Variants in ASTN2 observed in about 807,000 individuals in gnomAD.
ASTN2 encodes the protein astrotactin-2.
ASTN2 carries 54 observed loss-of-function variants against 139.8 expected under a neutral mutation model. That is an observed-to-expected ratio of 0.39 (90% confidence interval 0.31 to 0.48). ASTN2 has a LOEUF of 0.48. ASTN2 is among the 20% of genes least tolerant of loss of function. ASTN2 has a pLI of 0.95. For synonymous variants in ASTN2, 756 were observed against 719.5 expected (o/e 1.05, Z -0.81); for missense variants, 1,565 against 1,725.1 (o/e 0.91, Z 1.64).
At chr9:116,956,546 G>A (rs1835713523) in intron 10 of ASTN2, among the ~76,000 whole-genome samples, 1 of 150,604 alleles carries the variant, frequency 6.6e-6, no homozygotes, top group East Asian at 1.9e-4. Context: ...ACTTCTTTCA[G>A]CATTGTACTG....
chr9:116,887,330 A>T (rs1833636724), intron 10 of ASTN2, among the ~76,000 whole-genome samples: 1 of 151,926 alleles, frequency 6.6e-6, no homozygotes, highest in African/African-American at 2.4e-5. Context: ...GGACTCAGGG[A>T]CTGAGATGGA....
intron 11 of ASTN2, among the ~76,000 whole-genome samples, chr9:116,821,786 C>T (rs966616651): frequency 1.3e-5 from 2 of 152,100 alleles, no homozygotes; most frequent in African/African-American, 2.4e-5. Context: ...TCAGCTAGAA[C>T]GCTCTTGTCA....
intron 7 of ASTN2, among the ~76,000 whole-genome samples, chr9:117,001,227 C>T (rs1045200716): frequency 3.3e-5 from 5 of 152,208 alleles, no homozygotes; most frequent in Non-Finnish European, 5.9e-5. Context: ...CTCCATGACT[C>T]TGTCCAGCTC....
At chr9:117,313,128 G>A (rs905283970) in intron 1 of ASTN2, among the ~76,000 whole-genome samples, 2 of 152,174 alleles carry the variant, frequency 1.3e-5, no homozygotes, top group South Asian at 2.1e-4. Flanking sequence ...GTGTTCACAC[G>A]TAACACCAGG....
chr9:117,236,003 T>C (rs951414950), intron 2 of ASTN2, among the ~76,000 whole-genome samples: 46 of 152,332 alleles, frequency 3.0e-4, no homozygotes, highest in African/African-American at 1.1e-3. Context: ...CTCAGAGGCC[T>C]GGAGTTCATC....
At chr9:117,269,073 TG>T (rs1834001522) in intron 2 of ASTN2, among the ~76,000 whole-genome samples, 2 of 152,220 alleles carry the variant, frequency 1.3e-5, no homozygotes, top group South Asian at 4.1e-4. Flanking sequence ...AATAAATGTT[TG>T]TTTTTCTTCT....
At chr9:117,104,775 A>G (rs563854809) in intron 4 of ASTN2, among the ~76,000 whole-genome samples, 2 of 152,318 alleles carry the variant, frequency 1.3e-5, no homozygotes, top group African/African-American at 4.8e-5. Flanking sequence ...AATGCTTGCT[A>G]ATAAACAAAG....
At chr9:116,501,675 G>A (rs1188611065) in intron 19 of ASTN2, among the ~76,000 whole-genome samples, 1 of 151,774 alleles carries the variant, frequency 6.6e-6, no homozygotes, top group Non-Finnish European at 1.5e-5. Context: ...ACACAGGAAG[G>A]GGAACATCAC....
chr9:116,429,908 T>C (rs16933547), intron 22 of ASTN2, among the ~76,000 whole-genome samples: 4,517 of 152,258 alleles, frequency 0.03, 214 homozygotes, highest in African/African-American at 0.1. Context: ...AGTTCTTCAA[T>C]AATGAAACAG....
intron 16 of ASTN2, among the ~76,000 whole-genome samples, chr9:116,696,804 A>G (rs1286923489): frequency 6.6e-6 from 1 of 152,116 alleles, no homozygotes; most frequent in Admixed American, 6.5e-5. Context: ...TGGATAGGTG[A>G]GTAAGTAGGA....
chr9:116,426,175 G>C, intron 22 of ASTN2, 87 bp from the exon 23 acceptor site: 1 of 1,525,366 alleles, frequency 6.6e-7, no homozygotes. Context: ...CAAACAAATG[G>C]TAACTTCTCC....
At chr9:117,276,716 G>T (rs531457900) in intron 2 of ASTN2, among the ~76,000 whole-genome samples, 1 of 152,150 alleles carries the variant, frequency 6.6e-6, no homozygotes, top group East Asian at 1.9e-4. Flanking sequence ...CAAGGGCGGG[G>T]GAGAGGGGGA....
At chr9:117,117,323 T>C (rs1229377024) in intron 4 of ASTN2, among the ~76,000 whole-genome samples, 1 of 146,086 alleles carries the variant, frequency 6.8e-6, no homozygotes, top group Non-Finnish European at 1.5e-5. Flanking sequence ...TGGACAAGTG[T>C]AGGGTTTTAA....
chr9:116,799,531 A>G (rs1439784683), intron 13 of ASTN2, among the ~76,000 whole-genome samples: 1 of 152,104 alleles, frequency 6.6e-6, no homozygotes, highest in African/African-American at 2.4e-5. Context: ...TGCAAAATCT[A>G]CCACTGTAAT....
At chr9:116,520,736 A>G (rs1038511695) in intron 19 of ASTN2, among the ~76,000 whole-genome samples, 1 of 151,984 alleles carries the variant, frequency 6.6e-6, no homozygotes, top group African/African-American at 2.4e-5. Context: ...TGATATAATC[A>G]TATACCTAAA....
chr9:117,283,728 A>G (rs780756142), intron 2 of ASTN2, among the ~76,000 whole-genome samples: 1 of 151,982 alleles, frequency 6.6e-6, no homozygotes, highest in Non-Finnish European at 1.5e-5. Flanking sequence ...TTTCCCTACT[A>G]CTCTGTCTTT....
At chr9:117,227,320 CT>C (rs1395268568) in intron 2 of ASTN2, among the ~76,000 whole-genome samples, 1 of 152,144 alleles carries the variant, frequency 6.6e-6, no homozygotes, top group Non-Finnish European at 1.5e-5. Context: ...AATTTGTTAA[CT>C]TTGTTCATGG....
chr9:117,217,534 G>T (rs1198536869), intron 2 of ASTN2, among the ~76,000 whole-genome samples: 1 of 152,176 alleles, frequency 6.6e-6, no homozygotes, highest in Non-Finnish European at 1.5e-5. Flanking sequence ...AAATGGCTAA[G>T]TGTTGGCATC....
chr9:116,453,362 G>A (rs1390155614), intron 20 of ASTN2, among the ~76,000 whole-genome samples: 1 of 152,102 alleles, frequency 6.6e-6, no homozygotes, highest in African/African-American at 2.4e-5. Flanking sequence ...GGGAGGCAGA[G>A]GCGGGTGGAT....
Sources: gnomAD v4.1 joint callset for allele counts (sites outside exome capture counted in the v4.1 genomes callset) on GRCh38, gnomAD v4.1.1 for gene constraint, MANE v1.5 for transcripts, NCBI Gene and HGNC (gene_info 2026-07-23, HGNC 2026-07-21) for gene names.